RBM20: variants seen among roughly 807,000 people sequenced by gnomAD.
RBM20 encodes the protein RNA binding motif protein 20, also known as RNA-binding protein 20.
In RBM20, 51 loss-of-function variants were observed where a neutral mutation model predicts 110.1. The observed-to-expected ratio is 0.46, with a 90% CI of 0.37 to 0.59. The LOEUF (loss-of-function observed/expected upper bound fraction) is 0.59, where lower values mean the gene tolerates loss of function less well. Ranked by LOEUF, RBM20 falls within the 20% of genes least tolerant of loss-of-function variation. The pLI is 0.00. For missense variants in RBM20, 1,512 were observed against 1,574.9 expected (o/e 0.96, Z 0.68); for synonymous variants, 589 against 618.2 (o/e 0.95, Z 0.70).
intron 1 of RBM20, among the ~76,000 whole-genome samples, chr10:110,711,745 A>G (rs1161633311): frequency 2.0e-5 from 3 of 152,242 alleles, no homozygotes; most frequent in Non-Finnish European, 4.4e-5. Flanking sequence ...TGATTTATTC[A>G]TGCATTTATC....
chr10:110,754,039 TC>T (rs1413533951), intron 1 of RBM20, among the ~76,000 whole-genome samples: 1 of 152,210 alleles, frequency 6.6e-6, no homozygotes, highest in Non-Finnish European at 1.5e-5. Flanking sequence ...ACCTGCAAAG[TC>T]TTTTTTGCCA....
intron 1 of RBM20, among the ~76,000 whole-genome samples, chr10:110,767,522 A>G (rs1363377541): frequency 7.2e-6 from 1 of 139,346 alleles, no homozygotes; most frequent in Non-Finnish European, 1.5e-5. Flanking sequence ...GGGGCTCCTC[A>G]CTTCTCAGAC....
In RBM20 at chr10:110,644,775, C is replaced by T; in HGVS notation, c.191+130C>T. The T allele has an allele frequency of 1.5e-6, 1 of 667,158 alleles. No individual in the cohort carries two copies. Among genetic ancestry groups the T allele is most frequent in the Non-Finnish European group, 2.4e-6 (1 of 422,602 alleles). 41.3% of individuals were successfully genotyped at this position (667,158 alleles called of 1,614,324 possible). A position where few individuals can be genotyped will look rare whatever the true frequency, so the allele number is the denominator to read the frequency against. On this transcript the variant is annotated intron_variant, in intron 1 of 13. Transcript: ENST00000369519. This position sits in a 1 kb window ranked among gnomAD's most constrained non-coding sequence, Gnocchi z 4.3. ...CCCTTGGGTTTGAAGTTTTCTCGTA[C>T]CCCCTCTGGGCAGAGTCGGTGTCCT...
chr10:110,819,594 G>A (rs1393685220), intron 9 of RBM20, among the ~76,000 whole-genome samples: 1 of 152,218 alleles, frequency 6.6e-6, no homozygotes, highest in African/African-American at 2.4e-5. Flanking sequence ...AGGACAGAGG[G>A]CAACAGAAAG....
At chr10:110,774,655 TTTTG>T (rs1373154198) in intron 1 of RBM20, among the ~76,000 whole-genome samples, 2 of 152,124 alleles carry the variant, frequency 1.3e-5, no homozygotes, top group Non-Finnish European at 2.9e-5. Context: ...TTTTGCGGTT[TTTTG>T]TTTGTTTGTT....
intron 1 of RBM20, among the ~76,000 whole-genome samples, chr10:110,648,940 A>C (rs1173466714): frequency 6.6e-6 from 1 of 152,234 alleles, no homozygotes; most frequent in Non-Finnish European, 1.5e-5. Context: ...AGGACTATGC[A>C]TATGGTGCAC....
chr10:110,748,396 T>TG (rs1025073698), intron 1 of RBM20, among the ~76,000 whole-genome samples: 2 of 152,146 alleles, frequency 1.3e-5, no homozygotes, highest in African/African-American at 4.8e-5. Flanking sequence ...TATGTCTACC[T>TG]GGGGAACTAA....
chr10:110,780,673 A>T (rs1300036237), intron 1 of RBM20, 128 bp from the exon 2 acceptor site: 2 of 1,055,340 alleles, frequency 1.9e-6, no homozygotes, highest in African/African-American at 3.3e-5. Context: ...TTGCAGATTC[A>T]CTTGTATGTG....
rs947755400 is a variant in RBM20 at position 110,810,402 on chromosome 10, C to T, written c.1820C>T (p.Ala607Val). ...LQLKKPGKAV[A>V]AIIQDIHSQR... is the part of the protein sequence containing the mutation. ...TGCTAGAAACCCGGGAAGGCCGTGG[C>T]TGCCATCATCCAGGACATCCATTCC... The change falls in exon 8 of 14, where the codon GCT becomes GTT. Residue 607 changes from alanine to valine, a missense_variant. Physicochemically the swap from Ala to Val is moderately conservative, Grantham distance 64. Coordinates refer to ENST00000369519, the MANE Select transcript of RBM20 (RefSeq NM_001134363.3). 6 of 1,551,458 alleles carry T rather than the reference C, an allele frequency of 3.9e-6. No individual in the cohort carries two copies. In the Admixed American group the frequency reaches 9.8e-5, roughly 25 times the overall value.
chr10:110,688,510 A>G (rs1311802999), intron 1 of RBM20, among the ~76,000 whole-genome samples: 1 of 152,236 alleles, frequency 6.6e-6, no homozygotes, highest in Non-Finnish European at 1.5e-5. Context: ...TTGATGTCCC[A>G]ACATTTTTAC....
intron 3 of RBM20, among the ~76,000 whole-genome samples, chr10:110,784,091 T>C (rs1844389049): frequency 6.6e-6 from 1 of 152,260 alleles, no homozygotes; most frequent in African/African-American, 2.4e-5. Context: ...TTTCTATGAC[T>C]GAACAATATT....
chr10:110,684,678 T>G (rs1249841510), intron 1 of RBM20, among the ~76,000 whole-genome samples: 1 of 152,232 alleles, frequency 6.6e-6, no homozygotes, highest in Admixed American at 6.5e-5. Context: ...CATGCAAAAT[T>G]CAGGCATGCT....
intron 1 of RBM20, among the ~76,000 whole-genome samples, chr10:110,753,156 C>T (rs1372110408): frequency 6.6e-6 from 1 of 151,656 alleles, no homozygotes; most frequent in African/African-American, 2.4e-5. Flanking sequence ...TCAGGCTGGT[C>T]TCGAACTCCT....
At chr10:110,814,493 G>GTT (rs747508003) in intron 9 of RBM20, among the ~76,000 whole-genome samples, 1 of 151,524 alleles carries the variant, frequency 6.6e-6, no homozygotes, top group African/African-American at 2.4e-5. Flanking sequence ...TTTGGGTTTT[G>GTT]TTTTGTTTTT....
At chr10:110,757,576 T>C (rs1843937503) in intron 1 of RBM20, among the ~76,000 whole-genome samples, 1 of 152,212 alleles carries the variant, frequency 6.6e-6, no homozygotes. Context: ...TTTCTGTAGG[T>C]GCATGTGGAC....
intron 1 of RBM20, among the ~76,000 whole-genome samples, chr10:110,757,938 T>C (rs1843941823): frequency 6.6e-6 from 1 of 151,816 alleles, no homozygotes; most frequent in Non-Finnish European, 1.5e-5. Flanking sequence ...ATTCAAAATA[T>C]TGAGCTCTGC....
chr10:110,834,578 C>T (rs1000365658), intron 13 of RBM20, among the ~76,000 whole-genome samples: 3 of 152,202 alleles, frequency 2.0e-5, no homozygotes, highest in Admixed American at 6.5e-5. Context: ...CTGTGTCAAA[C>T]GCTGTACTGA....
chr10:110,763,751 C>CCTTTTTTTT (rs1554896903), intron 1 of RBM20, among the ~76,000 whole-genome samples: 1 of 64,378 alleles, frequency 1.6e-5, no homozygotes, highest in Non-Finnish European at 2.9e-5. Context: ...GGCTTCTTGG[C>CCTTTTTTTT]TTTTTTTTTT....
Position 110,789,106 on chromosome 10 carries a change from G to T in RBM20, c.1527+4217G>T, listed in dbSNP as rs556749606. Reference sequence around the variant, plus strand: ...CATCTTTTCAGAAACACTTTTTTTTGAGTAAAACCAGGAACAGCCAGGATC... The same window carrying T: ...CATCTTTTCAGAAACACTTTTTTTTTAGTAAAACCAGGAACAGCCAGGATC... On this transcript the variant is annotated intron_variant, in intron 5 of 13. Coordinates refer to ENST00000369519, the MANE Select transcript of RBM20 (RefSeq NM_001134363.3). Among the ~76,000 whole-genome samples the T allele has an allele frequency of 3.9e-5, 6 of 152,144 alleles. No homozygotes were observed. The South Asian group carries it at 1.2e-3, about 32-fold the overall frequency.
Sources: gnomAD v4.1 joint callset for allele counts (sites outside exome capture counted in the v4.1 genomes callset) on GRCh38, gnomAD v4.1.1 for gene constraint, Gnocchi (gnomAD v3.1) non-coding constraint, MANE v1.5 for transcripts, NCBI Gene and HGNC (gene_info 2026-07-23, HGNC 2026-07-21) for gene names.